The following RAD23A variants were observed in gnomAD, a reference collection of about 807,000 sequenced individuals.
RAD23A encodes the protein lysine-specific demethylase RAD23A.
Under a neutral mutation model 44.8 loss-of-function variants are expected in RAD23A, and 16 were observed. The observed-to-expected ratio is 0.36, with a 90% CI of 0.24 to 0.54. The LOEUF (loss-of-function observed/expected upper bound fraction) is 0.54, where lower values mean the gene tolerates loss of function less well. Among genes scored for constraint, RAD23A ranks in the 20% least tolerant of loss-of-function variants. RAD23A has a pLI of 0.89. For missense variants in RAD23A, 380 were observed against 483.3 expected, an observed-to-expected ratio of 0.79 and a Z score of 2.00; for synonymous variants, 217 against 202.9, an observed-to-expected ratio of 1.07 and a Z score of -0.59.
In RAD23A at chr19:12,948,413, C is replaced by T; in HGVS notation, c.416+55C>T. ...GCCCTGTCCTCCTAGCACATTCCAG[C>T]GTCCACATAAGTGGTCCCACACACC... On this transcript the variant is annotated intron_variant, in intron 3 of 8. Coordinates refer to ENST00000586534, the MANE Select transcript of RAD23A (RefSeq NM_005053.4). This position sits in a 1 kb window ranked among gnomAD's most constrained non-coding sequence, Gnocchi z 5.5. The T allele has an allele frequency of 1.2e-5, 18 of 1,544,244 alleles. No homozygotes were observed. The highest frequency in any genetic ancestry group is 2.7e-5 in the African/African-American group (2 of 72,896).
chr19:12,947,150 C>CGGT (rs1568452388), intron 1 of RAD23A, among the ~76,000 whole-genome samples: 4 of 152,328 alleles, frequency 2.6e-5, no homozygotes, highest in African/African-American at 7.2e-5. Flanking sequence ...TGGCCAGGCA[C>CGGT]GGTGGCTCAT....
rs537174951 is a variant in RAD23A, at chr19:12,946,173, C to T, written c.72+153C>T. Among the ~76,000 whole-genome samples the T allele has an allele frequency of 1.4e-4, 21 of 152,304 alleles. No individual in the cohort carries two copies. In the South Asian group the frequency reaches 4.3e-3, roughly 32 times the overall value. On this transcript the variant is annotated intron_variant, in intron 1 of 8. Coordinates refer to ENST00000586534, the MANE Select transcript of RAD23A (RefSeq NM_005053.4). The stretch of plus-strand genomic sequence containing the variant: ...ACCTGCCCGACTTTCCTGGACCCCC[C>T]GATGGTCTTTGGCCCAGCCCCCAGC...
chr19:12,952,575 C>T lies in RAD23A; in HGVS notation c.814-114C>T, dbSNP rs977074998. The stretch of plus-strand genomic sequence containing the variant: ...ACTGCTATGTTGTGTTTGGCCAGAA[C>T]AGGCTCCTCTGGATATTTGCCTGAC... On this transcript the variant is annotated intron_variant, in intron 7 of 8. Coordinates refer to ENST00000586534, the MANE Select transcript of RAD23A (RefSeq NM_005053.4). 4 of 1,237,440 alleles carry T rather than the reference C, an allele frequency of 3.2e-6. No individual in the cohort carries two copies. In the African/African-American group the frequency reaches 6.1e-5, roughly 19 times the overall value. The allele number at this position is 1,237,440 out of a possible 1,614,324, so 76.7% of individuals were successfully genotyped here. A position where few individuals can be genotyped will look rare whatever the true frequency, so the allele number is the denominator to read the frequency against.
chr19:12,952,860 G>T lies in RAD23A; in HGVS notation c.978+7G>T. 1 of 1,602,966 alleles carries T rather than the reference G, an allele frequency of 6.2e-7. No homozygotes were observed. The highest frequency in any genetic ancestry group is 8.5e-7 in the Non-Finnish European group (1 of 1,173,264). ...GAAAGAAGCTATAGAGAGGGTAAGAGGCCTGGCTGAGGGGTGACTGCAGGT... is the reference window on the plus strand; with the variant it reads ...GAAAGAAGCTATAGAGAGGGTAAGATGCCTGGCTGAGGGGTGACTGCAGGT... On this transcript the variant is annotated splice_region_variant and intron_variant, in intron 8 of 8. Transcript: ENST00000586534.
At position 12,948,430 on chromosome 19, in the gene RAD23A, C is replaced by G; in HGVS notation, c.417-67C>G. The G allele has an allele frequency of 6.5e-7, 1 of 1,545,434 alleles. No individual in the cohort carries two copies. Among genetic ancestry groups the G allele is most frequent in the Admixed American group, 2.0e-5 (1 of 50,312 alleles). On this transcript the variant is annotated intron_variant, in intron 3 of 8. Transcript: ENST00000586534. The surrounding 1 kb of genome is among the most constrained non-coding windows in gnomAD (Gnocchi z 5.5). Reference sequence around the variant, plus strand: ...CATTCCAGCGTCCACATAAGTGGTCCCACACACCTGGAGGGAGGGCAAGCC... The same window carrying G: ...CATTCCAGCGTCCACATAAGTGGTCGCACACACCTGGAGGGAGGGCAAGCC...
chr19:12,952,120 A>C (rs1971828480), intron 7 of RAD23A, among the ~76,000 whole-genome samples: 1 of 152,130 alleles, frequency 6.6e-6, no homozygotes, highest in African/African-American at 2.4e-5. Flanking sequence ...ACGGAGTTTC[A>C]CCATATTGGC....
Position 12,948,540 on chromosome 19 carries a change from G to A in RAD23A, c.460G>A (p.Ala154Thr). ...TAGCAGCGGGCGAGAGGAAGACGCG[G>A]CCTCCACGCTAGGTGGGTGGGTGGT... ...SGSSGREEDA[A>T]STLVTGSEYE... is the part of the protein sequence containing the mutation. Residue 154 changes from alanine (A) to threonine (T), a missense_variant, in exon 4 of 9, where the codon GCC (alanine) becomes ACC (threonine). Physicochemically the swap from Ala to Thr is moderately conservative, Grantham distance 58. Around this residue, in one of 3 missense-constraint regions of RAD23A, gnomAD observed 279 missense variants for 313.7 expected, o/e 0.89. Transcript: ENST00000586534. This position sits in a 1 kb window ranked among gnomAD's most constrained non-coding sequence, Gnocchi z 5.5. 1 of 1,595,022 alleles carries A rather than the reference G, an allele frequency of 6.3e-7. No individual in the cohort carries two copies.
At chr19:12,950,188 C>A (rs1209013980) in intron 7 of RAD23A, among the ~76,000 whole-genome samples, 1 of 152,106 alleles carries the variant, frequency 6.6e-6, no homozygotes, top group East Asian at 1.9e-4. Context: ...TTAGAACAGA[C>A]CTCCCCAGTC....
intron 1 of RAD23A, 54 bp downstream of exon 1, chr19:12,946,074 T>TGGGTTTTGGGGGGGGGGGGG: frequency 7.6e-6 from 1 of 131,766 alleles, no homozygotes; most frequent in Middle Eastern, 1.8e-3. Flanking sequence ...GGGGGTGGGG[T>TGGGTTTTGGGGGGGGGGGGG]GGGGGCGGGG....
Position 12,949,129 on chromosome 19 carries a change from C to T in RAD23A, c.649C>T (p.Gln217Ter). 6.2e-7 allele frequency: 1 copy of T among 1,613,928 alleles called. No individual in the cohort carries two copies. Among genetic ancestry groups the T allele is most frequent in the Non-Finnish European group, 8.5e-7 (1 of 1,179,918 alleles). The change falls in exon 6 of 9, where the codon CAG (glutamine) becomes TAG (stop). Residue 217 changes from glutamine (Q) to a stop codon, truncating the protein, a stop_gained. Transcript: ENST00000586534. LOFTEE classifies it high-confidence loss of function. ...EPEHGSVQES[Q>*]VSEQPATEAA... ...GGAACACGGTTCTGTCCAGGAGAGC[C>T]AGGTATCGGAGCAGCCGGCCACGGA... is the stretch of plus-strand genomic sequence containing the variant.
At chr19:12,950,623 A>C (rs550354152) in intron 7 of RAD23A, among the ~76,000 whole-genome samples, 4 of 152,084 alleles carry the variant, frequency 2.6e-5, no homozygotes, top group Non-Finnish European at 4.4e-5. Context: ...GGATGGTCTC[A>C]ATCTCCTGAC....
In RAD23A at chr19:12,953,139, T is replaced by C. The variant is rs909078368; in HGVS notation, c.*90T>C. The C allele has an allele frequency of 2.4e-6, 2 of 847,432 alleles. No homozygotes were observed. The highest frequency in any genetic ancestry group is 3.4e-5 in the Admixed American group (1 of 29,716). The allele number at this position is 847,432 out of a possible 1,614,324, so 52.5% of individuals were successfully genotyped here. A position where few individuals can be genotyped will look rare whatever the true frequency, so the allele number is the denominator to read the frequency against. On this transcript the variant is annotated 3_prime_UTR_variant, in exon 9 of 9. Coordinates refer to ENST00000586534, the MANE Select transcript of RAD23A (RefSeq NM_005053.4). Reference sequence around the variant, plus strand: ...AAAAATATATATATATTCATGTTTATTTAAGAAATGGAAAAAAAAATCAAA... The same window carrying C: ...AAAAATATATATATATTCATGTTTACTTAAGAAATGGAAAAAAAAATCAAA...
rs112817506 is a variant in RAD23A, at chr19:12,948,795, C to T, written c.582C>T (p.Ala194=). The part of the protein sequence containing the change: ...LRASYNNPHR[A]VEYLLTGIPG... The stretch of plus-strand genomic sequence containing the variant: ...CCAGCTACAACAACCCCCACCGAGC[C>T]GTGGAGTATCTGCTCACGGTGAGGT... Residue 194 remains alanine (A), a synonymous_variant, in exon 5 of 9, where the codon GCC becomes GCT. Transcript: ENST00000586534. This position sits in a 1 kb window ranked among gnomAD's most constrained non-coding sequence, Gnocchi z 5.5. 26 of 1,609,410 alleles carry T rather than the reference C, an allele frequency of 1.6e-5. No homozygotes were observed. Among genetic ancestry groups the T allele is most frequent in the Middle Eastern group, 3.3e-4 (2 of 5,986 alleles).
chr19:12,948,938 A>G lies in RAD23A; in HGVS notation c.600+125A>G. 2 of 1,535,016 alleles carry G rather than the reference A, an allele frequency of 1.3e-6. No homozygotes were observed. Among genetic ancestry groups the G allele is most frequent in the South Asian group, 1.2e-5 (1 of 84,714 alleles). ...CTTTGGGTAGTGATTCTAGCCACTA[A>G]AGGCTTCCCACAGGAGGCTGGATGT... On this transcript the variant is annotated intron_variant, in intron 5 of 8. Transcript: ENST00000586534. This position sits in a 1 kb window ranked among gnomAD's most constrained non-coding sequence, Gnocchi z 5.5.
chr19:12,947,798 G>A (rs1971705597), intron 1 of RAD23A, 50 bp from the exon 2 acceptor site: 1 of 1,589,950 alleles, frequency 6.3e-7, no homozygotes, highest in African/African-American at 1.3e-5. Flanking sequence ...AACTAGAAGG[G>A]AAAAGAGAAT....
In RAD23A at chr19:12,945,960, C is replaced by T. The variant is rs1568451649; in HGVS notation, c.12C>T (p.Thr4=). Residue 4 remains threonine, a synonymous_variant, in exon 1 of 9, where the codon ACC becomes ACT. Transcript: ENST00000586534. MAV[T]ITLKTLQQQT... ...GCTCGGGCCCCGCCATGGCCGTCACCATCACGCTCAAAACGCTGCAGCAGC... is the reference window on the plus strand; with the variant it reads ...GCTCGGGCCCCGCCATGGCCGTCACTATCACGCTCAAAACGCTGCAGCAGC... The T allele has an allele frequency of 6.2e-7, 1 of 1,607,612 alleles. No homozygotes were observed.
At chr19:12,950,444 G>A (rs1971779199) in intron 7 of RAD23A, among the ~76,000 whole-genome samples, 2 of 151,612 alleles carry the variant, frequency 1.3e-5, no homozygotes, top group African/African-American at 4.8e-5. Context: ...TCGCTCTGTC[G>A]CCCAGGCTGG....
At chr19:12,946,508 C>T (rs41463146) in intron 1 of RAD23A, among the ~76,000 whole-genome samples, 8,153 of 152,200 alleles carry the variant, frequency 0.054, 760 homozygotes, top group African/African-American at 0.19. Flanking sequence ...TGGCCGTTTA[C>T]TTTTTATCAG....
intron 7 of RAD23A, among the ~76,000 whole-genome samples, chr19:12,951,580 G>C (rs1042313443): frequency 6.6e-6 from 1 of 152,050 alleles, no homozygotes; most frequent in Non-Finnish European, 1.5e-5. Context: ...CAGAGTAGCT[G>C]GGATTACAGG....
Sources: allele counts gnomAD v4.1 joint callset (sites outside exome capture counted in the v4.1 genomes callset), GRCh38; gene constraint gnomAD v4.1.1; regional missense constraint gnomAD v4.1.1; non-coding constraint Gnocchi (gnomAD v3.1); transcripts MANE v1.5; gene names NCBI Gene and HGNC (gene_info 2026-07-23, HGNC 2026-07-21).